PCDHA12: variants seen among roughly 807,000 people sequenced by gnomAD.
The protein encoded by PCDHA12 is protocadherin alpha 12.
In PCDHA12, 44 loss-of-function variants were observed where a neutral mutation model predicts 60.0. The observed-to-expected ratio is 0.73, with a 90% confidence interval of 0.58 to 0.94. The LOEUF (loss-of-function observed/expected upper bound fraction) is 0.94, where lower values mean the gene tolerates loss of function less well. Ranked by LOEUF, PCDHA12 falls within the 40% of genes least tolerant of loss-of-function variation. PCDHA12 has a pLI of 0.00. For synonymous variants in PCDHA12, 569 were observed against 553.0 expected (o/e 1.03, Z -0.40); for missense variants, 1,276 against 1,239.7 (o/e 1.03, Z -0.44).
At chr5:140,914,817 C>T (rs2076857750) in intron 1 of PCDHA12, among the ~76,000 whole-genome samples, 1 of 152,040 alleles carries the variant, frequency 6.6e-6, no homozygotes, top group African/African-American at 2.4e-5. Flanking sequence ...ACTTAACAGA[C>T]TGCATAAACA....
At chr5:140,986,852 A>G (rs889945842) in intron 3 of PCDHA12, among the ~76,000 whole-genome samples, 1 of 152,190 alleles carries the variant, frequency 6.6e-6, no homozygotes, top group Admixed American at 6.5e-5. Flanking sequence ...CAGCAACACC[A>G]ACAATACCCG....
intron 1 of PCDHA12, chr5:140,969,615 G>A (rs1417453925): frequency 3.6e-5 from 26 of 714,726 alleles, no homozygotes; most frequent in Non-Finnish European, 5.5e-5. Flanking sequence ...ACACAGATTT[G>A]TAGAGAAACA....
chr5:140,951,779 CA>C (rs1402940575), intron 1 of PCDHA12, among the ~76,000 whole-genome samples: 1 of 152,142 alleles, frequency 6.6e-6, no homozygotes, highest in East Asian at 1.9e-4. Flanking sequence ...TCTTACATTG[CA>C]AAATACAATT....
intron 1 of PCDHA12, among the ~76,000 whole-genome samples, chr5:140,925,244 G>A (rs1403438242): frequency 1.3e-5 from 2 of 152,070 alleles, no homozygotes; most frequent in African/African-American, 4.8e-5. Context: ...AATATGTCCT[G>A]GAAACTTTAA....
At chr5:140,967,051 G>C in intron 1 of PCDHA12, 2 of 1,612,562 alleles carry the variant, frequency 1.2e-6, no homozygotes, top group Non-Finnish European at 1.7e-6. Context: ...TGGACCTGAC[G>C]AGTGGAGCGC....
chr5:140,968,511 C>T, intron 1 of PCDHA12: 2 of 1,614,198 alleles, frequency 1.2e-6, no homozygotes, highest in Non-Finnish European at 1.7e-6. Context: ...ATTCTGTACC[C>T]TACCTCAACC....
chr5:140,897,455 T>C (rs1376435296), intron 1 of PCDHA12, among the ~76,000 whole-genome samples: 1 of 151,682 alleles, frequency 6.6e-6, no homozygotes, highest in Non-Finnish European at 1.5e-5. Flanking sequence ...TTTTTGTCCT[T>C]GCGATAGTTT....
intron 1 of PCDHA12, chr5:140,968,548 G>T: frequency 6.2e-7 from 1 of 1,614,174 alleles, no homozygotes; most frequent in Non-Finnish European, 8.5e-7. Context: ...TCGAGATGGT[G>T]CCTCGAACTG....
intron 1 of PCDHA12, among the ~76,000 whole-genome samples, chr5:140,901,300 C>T (rs189786790): frequency 3.3e-5 from 5 of 152,176 alleles, no homozygotes; most frequent in African/African-American, 9.6e-5. Flanking sequence ...ACTGATGTTC[C>T]GGAGAGTTTC....
chr5:140,969,011 A>G lies in PCDHA12; in HGVS notation c.2368-9938A>G, dbSNP rs1554231347. On this transcript the variant is annotated intron_variant, in intron 1 of 3. Transcript: ENST00000398631. Reference sequence around the variant, plus strand: ...ATGCTGTGGAGGCTTCTGTGGAGTAAGGGAAAGGTCCCCTGCAGAACTGTA... The same window carrying G: ...ATGCTGTGGAGGCTTCTGTGGAGTAGGGGAAAGGTCCCCTGCAGAACTGTA... The G allele has an allele frequency of 2.5e-6, 4 of 1,614,084 alleles. No individual in the cohort carries two copies. In the South Asian group the frequency reaches 4.4e-5, roughly 18 times the overall value.
intron 3 of PCDHA12, among the ~76,000 whole-genome samples, chr5:141,000,481 G>A (rs1475922134): frequency 1.5e-5 from 2 of 133,428 alleles, no homozygotes; most frequent in African/African-American, 2.8e-5. Context: ...AAGCTGGAGT[G>A]CAATGGTAAG....
At chr5:140,982,211 A>G (rs1554243869) in intron 2 of PCDHA12, 1 of 476,036 alleles carries the variant, frequency 2.1e-6, no homozygotes, top group African/African-American at 2.0e-5. Flanking sequence ...AGTGAGCGCC[A>G]CATGGCGTTA....
chr5:140,996,136 C>A (rs1484642740), intron 3 of PCDHA12, among the ~76,000 whole-genome samples: 1 of 152,104 alleles, frequency 6.6e-6, no homozygotes, highest in African/African-American at 2.4e-5. Context: ...GAGGGTTCTC[C>A]CATTATCTTG....
intron 1 of PCDHA12, chr5:140,966,480 TC>T: frequency 2.3e-6 from 1 of 431,902 alleles, no homozygotes; most frequent in Admixed American, 4.4e-5. Flanking sequence ...TGTTTCCTTT[TC>T]CCTCCCCCTG....
At chr5:140,926,719 A>G (rs1315762828) in intron 1 of PCDHA12, 38 of 986,432 alleles carry the variant, frequency 3.9e-5, no homozygotes, top group Non-Finnish European at 4.4e-5. Flanking sequence ...AGCCCCGGCA[A>G]TGCCGGCGTT....
intron 1 of PCDHA12, among the ~76,000 whole-genome samples, chr5:140,951,543 C>G (rs246041): frequency 0.56 from 85,284 of 151,440 alleles, 24,613 homozygotes; most frequent in African/African-American, 0.69. Flanking sequence ...GAGCAAGGGA[C>G]GGGGGGAAGT....
intron 1 of PCDHA12, chr5:140,927,565 G>A: frequency 6.2e-7 from 1 of 1,614,186 alleles, no homozygotes; most frequent in Non-Finnish European, 8.5e-7. Context: ...CATTGTGGTG[G>A]ACACAAATGA....
At chr5:140,953,911 AG>A (rs1554221121) in intron 1 of PCDHA12, among the ~76,000 whole-genome samples, 1 of 152,120 alleles carries the variant, frequency 6.6e-6, no homozygotes, top group South Asian at 2.1e-4. Flanking sequence ...AGCATCCATT[AG>A]GTATTCTTCC....
Position 141,009,816 on chromosome 5 carries a change from G to A in PCDHA12, c.2705G>A (p.Ser902Asn). ...QEPTNSQIDK[S>N]DFITFGKKEE... Reference sequence around the variant, plus strand: ...CCTACTAACAGCCAAATTGACAAAAGTGACTTCATAACCTTCGGCAAAAAG... The same window carrying A: ...CCTACTAACAGCCAAATTGACAAAAATGACTTCATAACCTTCGGCAAAAAG... Residue 902 changes from serine to asparagine, a missense_variant, in exon 4 of 4, where the codon AGT (serine) becomes AAT (asparagine). Ser to Asn is a conservative substitution (Grantham distance 46). Transcript: ENST00000398631. 1 of 1,614,044 alleles carries A rather than the reference G, an allele frequency of 6.2e-7. No homozygotes were observed. Among genetic ancestry groups the A allele is most frequent in the African/African-American group, 1.3e-5 (1 of 74,990 alleles).
Sources: allele counts gnomAD v4.1 joint callset (sites outside exome capture counted in the v4.1 genomes callset), GRCh38; gene constraint gnomAD v4.1.1; transcripts MANE v1.5; gene names NCBI Gene and HGNC (gene_info 2026-07-23, HGNC 2026-07-21).